The following DGKA variants were observed in gnomAD, a reference collection of about 807,000 sequenced individuals.
DGKA encodes diacylglycerol kinase alpha.
DGKA carries 35 observed loss-of-function variants against 105.0 expected under a neutral mutation model. The ratio of observed to expected loss-of-function variants is 0.33; its 90% CI spans 0.25 to 0.44. DGKA has a LOEUF of 0.44. Among genes scored for constraint, DGKA ranks in the 20% least tolerant of loss-of-function variants. DGKA has a pLI of 1.00. For missense variants in DGKA, 665 were observed against 915.0 expected, an observed-to-expected ratio of 0.73 and a Z score of 3.53; for synonymous variants, 296 against 332.0, an observed-to-expected ratio of 0.89 and a Z score of 1.18.
Position 55,932,708 on chromosome 12 carries a change from CGCA to C in DGKA, c.-82+1365_-82+1367del. 1 of 472,704 alleles carries C rather than the reference CGCA, an allele frequency of 2.1e-6. No homozygotes were observed. The highest frequency in any genetic ancestry group is 3.7e-6 in the Non-Finnish European group (1 of 268,060). The allele number at this position is 472,704 out of a possible 1,614,324, so 29.3% of individuals were successfully genotyped here. The stretch of plus-strand genomic sequence containing the variant: ...GACACCCTCTACACACACACACACA[CGCA>C]CACACACACACACACACACACACAC... On this transcript the variant is annotated intron_variant, in intron 1 of 23. Transcript: ENST00000331886. The surrounding 1 kb of genome is among the most constrained non-coding windows in gnomAD (Gnocchi z 4.3).
chr12:55,936,010 T>C (rs986090839), intron 1 of DGKA: 1 of 989,600 alleles, frequency 1.0e-6, no homozygotes, highest in Non-Finnish European at 1.2e-6. Context: ...AGACCCGAGA[T>C]GGGAGAGAGC....
upstream of DGKA, chr12:55,927,381 A>G: frequency 2.8e-6 from 2 of 717,262 alleles, no homozygotes; most frequent in African/African-American, 3.5e-5. Context: ...TCCGAGGCAC[A>G]GTCCCTCTCA....
In DGKA at chr12:55,937,394, C is replaced by T. The variant is rs772804091; in HGVS notation, c.139-14C>T. 1.9e-6 allele frequency: 3 copies of T among 1,612,668 alleles called. No individual in the cohort carries two copies. The highest frequency in any genetic ancestry group is 2.7e-5 in the African/African-American group (2 of 75,042). ...CTTGCAGACTCCCCAGGATAATGCT[C>T]ACTCTCATTATAGGCCATTGGGTAC... On this transcript the variant is annotated splice_polypyrimidine_tract_variant and intron_variant, in intron 3 of 23. Transcript: ENST00000331886.
chr12:55,927,805 T>C, upstream of DGKA: 2 of 1,532,608 alleles, frequency 1.3e-6, no homozygotes, highest in Non-Finnish European at 1.7e-6. Flanking sequence ...GGCCCTGGCC[T>C]GGCTCTGCCC....
chr12:55,937,605 T>C, intron 4 of DGKA, 62 bp downstream of exon 4: 1 of 1,581,242 alleles, frequency 6.3e-7, no homozygotes, highest in Non-Finnish European at 8.6e-7. Context: ...TAGTATGGAT[T>C]TGGGGTTGAG....
At chr12:55,947,949 C>T (rs1240567827) in intron 17 of DGKA, among the ~76,000 whole-genome samples, 1 of 152,098 alleles carries the variant, frequency 6.6e-6, no homozygotes, top group Admixed American at 6.5e-5. Flanking sequence ...GCCACCACGC[C>T]TGGCTAATTT....
At chr12:55,942,886 T>A (rs1886306724) in intron 17 of DGKA, among the ~76,000 whole-genome samples, 1 of 152,042 alleles carries the variant, frequency 6.6e-6, no homozygotes, top group African/African-American at 2.4e-5. Context: ...GGAATAGAGA[T>A]CTGCTAAGGG....
rs777257863 is a variant in DGKA at position 55,941,540 on chromosome 12, C to T, written c.1206C>T (p.Asn402=). 4 of 1,614,062 alleles carry T rather than the reference C, an allele frequency of 2.5e-6. No homozygotes were observed. Among genetic ancestry groups the T allele is most frequent in the African/African-American group, 1.3e-5 (1 of 74,924 alleles). Residue 402 remains asparagine, a synonymous_variant, in exon 15 of 24, where the codon AAC becomes AAT. Transcript: ENST00000331886. Reference sequence around the variant, plus strand: ...TCTGGAAGTTCCAGTATATATTAAACCCTCGACAGGTGTTCAACCTCCTAA... The same window carrying T: ...TCTGGAAGTTCCAGTATATATTAAATCCTCGACAGGTGTTCAACCTCCTAA... ...RVLWKFQYIL[N]PRQVFNLLKD...
At chr12:55,949,527 C>G (rs11831133) in intron 17 of DGKA, among the ~76,000 whole-genome samples, 9,813 of 152,262 alleles carry the variant, frequency 0.064, 1,099 homozygotes, top group African/African-American at 0.23. Flanking sequence ...AATTGGATAA[C>G]ATTTTGATAA....
At chr12:55,946,204 CT>C (rs1334385390) in intron 17 of DGKA, among the ~76,000 whole-genome samples, 1 of 141,528 alleles carries the variant, frequency 7.1e-6, no homozygotes, top group Non-Finnish European at 1.6e-5. Context: ...GAGTTTTGCT[CT>C]TGTTGCCCAG....
chr12:55,936,596 T>C (rs1342795458), intron 2 of DGKA, 29 bp downstream of exon 2: 2 of 1,614,096 alleles, frequency 1.2e-6, no homozygotes, highest in East Asian at 4.5e-5. Flanking sequence ...CCTTCAGTTC[T>C]GGAGACCCTG....
chr12:55,947,047 G>A lies in DGKA; in HGVS notation c.1427-4576G>A, dbSNP rs564815251. Reference sequence around the variant, plus strand: ...GTTGCCCAGGCTGGGGTGCAATGGCGCGATCTCGGCTCATTGCAACCTCCA... The same window carrying A: ...GTTGCCCAGGCTGGGGTGCAATGGCACGATCTCGGCTCATTGCAACCTCCA... On this transcript the variant is annotated intron_variant, in intron 17 of 23. Transcript: ENST00000331886. Among the ~76,000 whole-genome samples, 4 of 147,288 alleles carry A rather than the reference G, an allele frequency of 2.7e-5. No individual in the cohort carries two copies. The East Asian group carries it at 6.0e-4, about 22-fold the overall frequency.
In DGKA at chr12:55,953,822, A is replaced by G. The variant is rs1204569370; in HGVS notation, c.*54A>G. On this transcript the variant is annotated 3_prime_UTR_variant, in exon 24 of 24. Coordinates refer to ENST00000331886, the MANE Select transcript of DGKA (RefSeq NM_001345.5). Reference sequence around the variant, plus strand: ...CTTGAACCCACCTCCCTGTCCCTGGACTCTACTCCCGAGGCTCTGTACATT... The same window carrying G: ...CTTGAACCCACCTCCCTGTCCCTGGGCTCTACTCCCGAGGCTCTGTACATT... The G allele has an allele frequency of 2.6e-6, 4 of 1,511,982 alleles. No homozygotes were observed. The highest frequency in any genetic ancestry group is 3.7e-6 in the Non-Finnish European group (4 of 1,088,690). The allele number at this position is 1,511,982 out of a possible 1,614,324, so 93.7% of individuals were successfully genotyped here.
At position 55,952,946 on chromosome 12, in the gene DGKA, C is replaced by A. The variant is rs140191285; in HGVS notation, c.1942+14C>A. Reference sequence around the variant, plus strand: ...CCTGTGTACCAGGTGAGAGGAGCAGCCTTGGGAGCTGAGTGGGCAGGACGA... The same window carrying A: ...CCTGTGTACCAGGTGAGAGGAGCAGACTTGGGAGCTGAGTGGGCAGGACGA... On this transcript the variant is annotated intron_variant, in intron 21 of 23. Transcript: ENST00000331886. The surrounding 1 kb of genome is among the most constrained non-coding windows in gnomAD (Gnocchi z 5.1). 6.1e-3 allele frequency: 9,911 copies of A among 1,614,096 alleles called. 44 individuals are homozygous for A. Among genetic ancestry groups the A allele is most frequent in the Non-Finnish European group, 6.6e-3 (7,761 of 1,179,976 alleles).
chr12:55,938,990 G>A lies in DGKA; in HGVS notation c.474+1G>A. The A allele has an allele frequency of 6.2e-7, 1 of 1,614,170 alleles. No homozygotes were observed. Among genetic ancestry groups the A allele is most frequent in the Non-Finnish European group, 8.5e-7 (1 of 1,180,016 alleles). On this transcript the variant is annotated splice_donor_variant, in intron 7 of 23. Transcript: ENST00000331886. LOFTEE classifies it high-confidence loss of function. ...TTGGGATGTGTCTGAGCTGAGGCCG[G>A]TAAGGCAGCTCTTCCTTCATGTCCC...
intron 17 of DGKA, among the ~76,000 whole-genome samples, chr12:55,949,105 T>G (rs1291108659): frequency 6.6e-6 from 1 of 152,150 alleles, no homozygotes; most frequent in African/African-American, 2.4e-5. Context: ...CAAAACTCCA[T>G]GTACCTCCTC....
In DGKA at chr12:55,932,578, G is replaced by C. The variant is rs1883824009; in HGVS notation, c.-82+1234G>C. 1.4e-6 allele frequency: 1 copy of C among 702,270 alleles called. No individual in the cohort carries two copies. The highest frequency in any genetic ancestry group is 2.7e-5 in the East Asian group (1 of 37,284). 43.5% of individuals were successfully genotyped at this position (702,270 alleles called of 1,614,324 possible). On this transcript the variant is annotated intron_variant, in intron 1 of 23. Transcript: ENST00000331886. The surrounding 1 kb of genome is among the most constrained non-coding windows in gnomAD (Gnocchi z 4.3). Reference sequence around the variant, plus strand: ...CTTGATAGGAGAAATGAGCCTTCCTGAGGAAGAATGGCAAATATTACTGGG... The same window carrying C: ...CTTGATAGGAGAAATGAGCCTTCCTCAGGAAGAATGGCAAATATTACTGGG...
At chr12:55,927,925 G>A (rs940640128), upstream of DGKA, 2 of 857,910 alleles carry the variant, frequency 2.3e-6, no homozygotes, top group Admixed American at 3.0e-5. Context: ...AGGGTCAGAG[G>A]GCAGGGTGAA....
chr12:55,941,139 G>C, intron 13 of DGKA, 113 bp from the exon 14 acceptor site: 1 of 1,371,924 alleles, frequency 7.3e-7, no homozygotes, highest in Non-Finnish European at 1.0e-6. Context: ...GAAACAGGAG[G>C]GAGGGGGGAA....
Sources: allele counts gnomAD v4.1 joint callset (sites outside exome capture counted in the v4.1 genomes callset), GRCh38; gene constraint gnomAD v4.1.1; non-coding constraint Gnocchi (gnomAD v3.1); transcripts MANE v1.5; gene names NCBI Gene and HGNC (gene_info 2026-07-23, HGNC 2026-07-21).